Variants in AP1B1 observed in about 807,000 individuals in gnomAD.
AP1B1 encodes the protein AP-1 complex subunit beta-1.
AP1B1 carries 36 observed loss-of-function variants against 104.3 expected under a neutral mutation model. That is an observed-to-expected ratio of 0.35 (90% CI 0.26 to 0.46). The LOEUF is 0.46. Ranked by LOEUF, AP1B1 falls within the 20% of genes least tolerant of loss-of-function variation. The probability of loss-of-function intolerance (pLI) is 1.00; values close to 1 mark genes in which losing one functional copy is unlikely to be tolerated. For synonymous variants in AP1B1, 504 were observed against 517.5 expected (o/e 0.97, Z 0.35); for missense variants, 901 against 1,247.9 (o/e 0.72, Z 4.19).
rs999123709 is a variant in AP1B1 at position 29,327,995 on chromosome 22, G to A, written c.*826C>T. On this transcript the variant is annotated 3_prime_UTR_variant, in exon 23 of 23. Coordinates refer to ENST00000357586, the MANE Select transcript of AP1B1 (RefSeq NM_001127.4). The stretch of plus-strand genomic sequence containing the variant: ...AGAAACCCCGAAGAAACCCAAACAG[G>A]AGGCGCACCCGCTTACCCAGCCCCA... 6.5e-6 allele frequency: 1 copy of A among 152,790 alleles called. No homozygotes were observed. Among genetic ancestry groups the A allele is most frequent in the African/African-American group, 2.4e-5 (1 of 41,426 alleles). 9.5% of individuals were successfully genotyped at this position (152,790 alleles called of 1,614,324 possible).
In AP1B1 at chr22:29,354,672, T is replaced by A; in HGVS notation, c.916A>T (p.Ile306Phe). The A allele has an allele frequency of 6.2e-7, 1 of 1,614,010 alleles. No homozygotes were observed. The highest frequency in any genetic ancestry group is 8.5e-7 in the Non-Finnish European group (1 of 1,180,026). The part of the protein sequence containing the change: ...PELQYVALRN[I>F]NLIVQKRPEI... ...TACCTTTTCTGCACGATGAGATTGA[T>A]GTTGCGCAGGGCCACATACTGCAGC... The change falls in exon 7 of 23, where the codon ATC becomes TTC. Residue 306 changes from isoleucine to phenylalanine, a missense_variant. Transcript: ENST00000357586.
chr22:29,377,757 G>C lies in AP1B1; in HGVS notation c.-27-10487C>G, dbSNP rs1037468441. 2.0e-5 allele frequency among the ~76,000 whole-genome samples: 3 copies of C among 150,838 alleles called. No individual in the cohort carries two copies. The East Asian group carries it at 5.8e-4, about 29-fold the overall frequency. On this transcript the variant is annotated intron_variant, in intron 1 of 22. Transcript: ENST00000357586. Reference sequence around the variant, plus strand: ...ACCTGGGAGGCGGAGGTTGCAGTTAGCCAAGATCGTGCCACTGTACTCCAG... The same window carrying C: ...ACCTGGGAGGCGGAGGTTGCAGTTACCCAAGATCGTGCCACTGTACTCCAG...
chr22:29,334,091 C>G (rs2061602100), intron 17 of AP1B1, among the ~76,000 whole-genome samples, 174 bp downstream of exon 17: 1 of 152,114 alleles, frequency 6.6e-6, no homozygotes, highest in Non-Finnish European at 1.5e-5. Flanking sequence ...CAAACAAAAC[C>G]CAGTGCTTCA....
At position 29,334,294 on chromosome 22, in the gene AP1B1, G is replaced by A. The variant is rs776163873; in HGVS notation, c.2280C>T (p.Thr760=). The A allele has an allele frequency of 6.9e-6, 11 of 1,605,434 alleles. No homozygotes were observed. Among genetic ancestry groups the A allele is most frequent in the East Asian group, 4.5e-5 (2 of 44,630 alleles). Residue 760 remains threonine, a synonymous_variant, in exon 17 of 23, where the codon ACC becomes ACT. Transcript: ENST00000357586. ...TGCGGTTGAACTGGATGGCAAAGTC[G>A]GTCATGACCTGCAAGGCCTTGTTGG... is the stretch of plus-strand genomic sequence containing the variant. ...QLTNKALQVM[T]DFAIQFNRNS...
At chr22:29,350,003 G>C (rs760517364) in intron 10 of AP1B1, 32 bp downstream of exon 10, 8 of 1,532,456 alleles carry the variant, frequency 5.2e-6, no homozygotes, top group Admixed American at 1.7e-5. Flanking sequence ...GGCAGAGCTA[G>C]ATGCCCTCTC....
At chr22:29,371,786 T>C (rs1259590806) in intron 1 of AP1B1, among the ~76,000 whole-genome samples, 1 of 152,160 alleles carries the variant, frequency 6.6e-6, no homozygotes. Flanking sequence ...ATTCCATCTT[T>C]GGAAGTGTCA....
At chr22:29,359,341 CA>C (rs2062008816) in intron 4 of AP1B1, among the ~76,000 whole-genome samples, 1 of 152,196 alleles carries the variant, frequency 6.6e-6, no homozygotes, top group Admixed American at 6.5e-5. Flanking sequence ...ACAGAAGCCT[CA>C]TTTCCCCATA....
Position 29,328,901 on chromosome 22 carries a change from G to A in AP1B1, c.2776-6C>T. On this transcript the variant is annotated splice_region_variant and splice_polypyrimidine_tract_variant and intron_variant, in intron 22 of 22. Transcript: ENST00000357586. The surrounding 1 kb of genome is among the most constrained non-coding windows in gnomAD (Gnocchi z 4.1). ...GCTCGACACTTCAGGGACAGCTGCA[G>A]GGGAGAGAGGGGTCGGGGGAAAGAG... 6.2e-7 allele frequency: 1 copy of A among 1,606,554 alleles called. No individual in the cohort carries two copies. The highest frequency in any genetic ancestry group is 8.5e-7 in the Non-Finnish European group (1 of 1,178,116).
intron 16 of AP1B1, among the ~76,000 whole-genome samples, 181 bp downstream of exon 16, chr22:29,338,809 C>A (rs1569153051): frequency 6.6e-6 from 1 of 152,168 alleles, no homozygotes; most frequent in Non-Finnish European, 1.5e-5. Context: ...CTCTGGAAAG[C>A]CTTCCTAGGT....
At chr22:29,369,687 G>A (rs2062200377) in intron 1 of AP1B1, among the ~76,000 whole-genome samples, 1 of 152,138 alleles carries the variant, frequency 6.6e-6, no homozygotes, top group African/African-American at 2.4e-5. Context: ...GCCCAGGCCC[G>A]GCACATAGCA....
chr22:29,359,147 C>T (rs1173014190), intron 4 of AP1B1, among the ~76,000 whole-genome samples, 176 bp from the exon 5 acceptor site: 1 of 152,228 alleles, frequency 6.6e-6, no homozygotes, highest in Non-Finnish European at 1.5e-5. Context: ...AACCAGCACC[C>T]ATGCCAGCTC....
At chr22:29,353,405 G>A (rs1350839358) in intron 7 of AP1B1, among the ~76,000 whole-genome samples, 1 of 152,062 alleles carries the variant, frequency 6.6e-6, no homozygotes, top group Non-Finnish European at 1.5e-5. Flanking sequence ...ACCAGGGCAG[G>A]GCATGTCTCA....
chr22:29,348,079 A>C (rs973992722), intron 11 of AP1B1, among the ~76,000 whole-genome samples: 9 of 152,268 alleles, frequency 5.9e-5, no homozygotes, highest in Admixed American at 2.6e-4. Flanking sequence ...GCAGTGTTTA[A>C]AAATAAATGA....
In AP1B1 at chr22:29,360,926, C is replaced by T. The variant is rs553906466; in HGVS notation, c.144-967G>A. Among the ~76,000 whole-genome samples the T allele has an allele frequency of 6.1e-4, 93 of 152,248 alleles. 1 individual carries two copies. The South Asian group carries it at 8.9e-3, about 15-fold the overall frequency. Reference sequence around the variant, plus strand: ...GGAGGTCAAAGTGAACTTCCTGATCCCCAACAGGCAGGAGTCCTGCCAAAG... The same window carrying T: ...GGAGGTCAAAGTGAACTTCCTGATCTCCAACAGGCAGGAGTCCTGCCAAAG... On this transcript the variant is annotated intron_variant, in intron 3 of 22. Coordinates refer to ENST00000357586, the MANE Select transcript of AP1B1 (RefSeq NM_001127.4).
chr22:29,345,799 C>T (rs1343099846), intron 11 of AP1B1, among the ~76,000 whole-genome samples: 3 of 152,256 alleles, frequency 2.0e-5, no homozygotes, highest in African/African-American at 4.8e-5. Flanking sequence ...ATTCTCCTGC[C>T]TCAGCCTCCT....
intron 13 of AP1B1, among the ~76,000 whole-genome samples, chr22:29,341,089 T>A (rs1224427146): frequency 6.6e-6 from 1 of 152,194 alleles, no homozygotes; most frequent in Admixed American, 6.5e-5. Context: ...CTTCTAGCCC[T>A]CAGCCCATGC....
intron 16 of AP1B1, among the ~76,000 whole-genome samples, chr22:29,335,136 C>G (rs1244589337): frequency 6.6e-6 from 1 of 152,218 alleles, no homozygotes; most frequent in Non-Finnish European, 1.5e-5. Flanking sequence ...ACCACCTTGG[C>G]TCAGAGCCTG....
chr22:29,344,404 C>T lies in AP1B1; in HGVS notation c.1438-2021G>A, dbSNP rs572617956. Among the ~76,000 whole-genome samples the T allele has an allele frequency of 5.3e-5, 8 of 152,210 alleles. No homozygotes were observed. In the South Asian group the frequency reaches 1.7e-3, roughly 32 times the overall value. On this transcript the variant is annotated intron_variant, in intron 11 of 22. Transcript: ENST00000357586. ...CGCTCAACACACTCAGGCCGTTAGC[C>T]TGCATATTTAGGGCAGCCTTCTGCA...
At chr22:29,356,012 CCTCT>C (rs903731639) in intron 6 of AP1B1, among the ~76,000 whole-genome samples, 11 of 152,336 alleles carry the variant, frequency 7.2e-5, no homozygotes, top group Middle Eastern at 6.8e-3. Context: ...ATTCCCTCCA[CCTCT>C]CTAAGCTGGA....
Sources: gnomAD v4.1 joint callset for allele counts (sites outside exome capture counted in the v4.1 genomes callset) on GRCh38, gnomAD v4.1.1 for gene constraint, Gnocchi (gnomAD v3.1) non-coding constraint, MANE v1.5 for transcripts, NCBI Gene and HGNC (gene_info 2026-07-23, HGNC 2026-07-21) for gene names.